The following STS variants were observed in gnomAD, a reference collection of about 807,000 sequenced individuals.
The protein encoded by STS is steroid sulfatase.
A neutral mutation model predicts 26.8 loss-of-function variants in STS; 7 were observed. The ratio of observed to expected loss-of-function variants is 0.26; its 90% CI spans 0.15 to 0.49. STS has a LOEUF of 0.49. Ranked by LOEUF, STS falls within the 20% of genes least tolerant of loss-of-function variation. The probability of loss-of-function intolerance (pLI) is 0.98; values close to 1 mark genes in which losing one functional copy is unlikely to be tolerated. For synonymous variants in STS, 199 were observed against 189.4 expected, an observed-to-expected ratio of 1.05 and a Z score of -0.42; for missense variants, 434 against 465.6, an observed-to-expected ratio of 0.93 and a Z score of 0.63.
intron 1 of STS, among the ~76,000 whole-genome samples, chrX:7,183,694 C>T (rs1439471244): frequency 8.9e-6 from 1 of 112,032 alleles, no homozygotes; most frequent in Non-Finnish European, 1.9e-5. Context: ...TTCAAATCAC[C>T]AATTAGCTCT....
chrX:7,207,250 A>T (rs1399155431), intron 2 of STS, among the ~76,000 whole-genome samples: 1 of 111,929 alleles, frequency 8.9e-6, no homozygotes, highest in Non-Finnish European at 1.9e-5. Flanking sequence ...AGAGTTGCTG[A>T]TTGATTTTTC....
chrX:7,205,440 G>C (rs1316818579), intron 2 of STS, among the ~76,000 whole-genome samples: 1 of 111,505 alleles, frequency 9.0e-6, no homozygotes, highest in Non-Finnish European at 1.9e-5. Flanking sequence ...ATACTGACTA[G>C]CAGCTTGCTT....
At chrX:7,148,592 C>A (rs771349396) in intron 1 of STS, among the ~76,000 whole-genome samples, 6 of 112,580 alleles carry the variant, frequency 5.3e-5, no homozygotes, top group Non-Finnish European at 1.1e-4. Context: ...AGACAAATGG[C>A]CTTGGTCAGG....
At chrX:7,317,285 G>A (rs1354621243) in intron 8 of STS, among the ~76,000 whole-genome samples, 1 of 104,221 alleles carries the variant, frequency 9.6e-6, no homozygotes, top group Non-Finnish European at 2.0e-5. Flanking sequence ...TCCTTCACCT[G>A]TTTTTTTTTT....
At chrX:7,165,517 A>G (rs956052667) in intron 1 of STS, among the ~76,000 whole-genome samples, 24 of 110,724 alleles carry the variant, frequency 2.2e-4, no homozygotes, top group Admixed American at 6.8e-4. Context: ...GTGGTGGCTC[A>G]CACCTGTAGT....
intron 1 of STS, among the ~76,000 whole-genome samples, chrX:7,150,136 C>T (rs1329357338): frequency 8.9e-6 from 1 of 112,431 alleles, no homozygotes; most frequent in Non-Finnish European, 1.9e-5. Flanking sequence ...TGGATGCACA[C>T]ATGTCAGAGT....
intron 1 of STS, among the ~76,000 whole-genome samples, chrX:7,160,863 G>A (rs965756724): frequency 2.1e-4 from 23 of 112,088 alleles, no homozygotes; most frequent in African/African-American, 6.8e-4. Context: ...CCTAAAGAGT[G>A]GAAAAAGAAC....
intron 9 of STS, 93 bp from the exon 10 acceptor site, chrX:7,333,893 G>A (rs776313799): frequency 1.3e-4 from 154 of 1,163,990 alleles, no homozygotes; most frequent in African/African-American, 4.3e-4. Context: ...TATTAATTAC[G>A]ACTGGAGCTC....
At chrX:7,244,172 G>C (rs1922753725) in intron 2 of STS, among the ~76,000 whole-genome samples, 1 of 112,003 alleles carries the variant, frequency 8.9e-6, no homozygotes, top group Non-Finnish European at 1.9e-5. Context: ...GTTGTGCAGA[G>C]TGTAACTCCT....
At chrX:7,311,976 A>G (rs1926500722) in intron 8 of STS, among the ~76,000 whole-genome samples, 2 of 111,276 alleles carry the variant, frequency 1.8e-5, no homozygotes, top group South Asian at 4.0e-4. Flanking sequence ...GCAGTGAGCT[A>G]TGATTGCACC....
chrX:7,275,136 G>C (rs1271348707), intron 6 of STS, among the ~76,000 whole-genome samples: 1 of 110,291 alleles, frequency 9.1e-6, no homozygotes, highest in Non-Finnish European at 1.9e-5. Flanking sequence ...CCAGGGACTG[G>C]GGTTAGGGGA....
chrX:7,222,854 A>G (rs1025053095), intron 2 of STS, among the ~76,000 whole-genome samples: 1 of 111,526 alleles, frequency 9.0e-6, no homozygotes, highest in East Asian at 2.8e-4. Context: ...CCATCATCCA[A>G]ATAGTGAACT....
intron 2 of STS, among the ~76,000 whole-genome samples, chrX:7,231,807 A>C: frequency 1.0e-5 from 1 of 96,575 alleles, no homozygotes. Context: ...CTTGCAACGT[A>C]TTTTCATACT....
intron 2 of STS, among the ~76,000 whole-genome samples, chrX:7,216,886 G>A (rs1477933493): frequency 9.0e-6 from 1 of 111,699 alleles, no homozygotes. Flanking sequence ...CACAAGGTGT[G>A]GGAGGATGTT....
rs897636572 is a variant in STS at position 7,334,218 on chromosome X, G to T, written c.1363+111G>T. On this transcript the variant is annotated intron_variant, in intron 10 of 10. Transcript: ENST00000674429. ...CTCTGCTCAATGGAGGCCAACAGGT[G>T]CCTCAATGTGCGCCCATGCTTTGCT... 1.1e-5 allele frequency: 11 copies of T among 1,030,251 alleles called. No individual in the cohort carries two copies. The African/African-American group carries it at 2.1e-4, about 19-fold the overall frequency. The allele number at this position is 1,030,251 out of a possible 1,213,427, so 84.9% of individuals were successfully genotyped here.
chrX:7,272,385 A>G (rs1208750394), intron 6 of STS, among the ~76,000 whole-genome samples: 2 of 110,550 alleles, frequency 1.8e-5, no homozygotes, highest in African/African-American at 6.6e-5. Flanking sequence ...CAAAGTAACA[A>G]AAGACTGAGG....
intron 3 of STS, among the ~76,000 whole-genome samples, chrX:7,253,794 C>T (rs1409766245): frequency 9.8e-5 from 11 of 112,102 alleles, no homozygotes; most frequent in African/African-American, 3.2e-4. Flanking sequence ...CCTACCCTGT[C>T]GTCAGCTATG....
Position 7,166,411 on chromosome X carries a change from A to T in STS, c.-134+18328A>T, listed in dbSNP as rs2073425431. ...GTGGGAAAACTAACCCCAGCAATCT[A>T]TACAGTGTGTCACAGAGTTTTGTTT... On this transcript the variant is annotated intron_variant, in intron 1 of 10. Transcript: ENST00000674429. 3.6e-5 allele frequency among the ~76,000 whole-genome samples: 4 copies of T among 111,642 alleles called. No individual in the cohort carries two copies. In the Admixed American group the frequency reaches 3.8e-4, roughly 11 times the overall value.
At chrX:7,324,478 C>T (rs746297598) in intron 8 of STS, among the ~76,000 whole-genome samples, 4 of 111,875 alleles carry the variant, frequency 3.6e-5, no homozygotes, top group Non-Finnish European at 7.5e-5. Context: ...AGATTTTCTG[C>T]ACAAGAGACA....
Sources: gnomAD v4.1 joint callset for allele counts (sites outside exome capture counted in the v4.1 genomes callset) on GRCh38, gnomAD v4.1.1 for gene constraint, MANE v1.5 for transcripts, NCBI Gene and HGNC (gene_info 2026-07-23, HGNC 2026-07-21) for gene names.